The following FGF12 variants were observed in gnomAD, a reference collection of about 807,000 sequenced individuals.
FGF12 encodes fibroblast growth factor 12B.
A neutral mutation model predicts 23.6 loss-of-function variants in FGF12; 14 were observed. That is an observed-to-expected ratio of 0.59 (90% CI 0.39 to 0.93). The LOEUF (loss-of-function observed/expected upper bound fraction) is 0.93. Ranked by LOEUF, FGF12 falls within the 40% of genes least tolerant of loss-of-function variation. FGF12 has a pLI of 0.00. For synonymous variants in FGF12, 62 were observed against 77.3 expected, an observed-to-expected ratio of 0.80 and a Z score of 1.04; for missense variants, 175 against 217.8, an observed-to-expected ratio of 0.80 and a Z score of 1.24.
chr3:192,367,058 G>A (rs995137368), intron 2 of FGF12, among the ~76,000 whole-genome samples: 4 of 152,212 alleles, frequency 2.6e-5, no homozygotes, highest in Non-Finnish European at 2.9e-5. Context: ...TGTGAAGGAC[G>A]TGGACGTCTC....
intron 2 of FGF12, among the ~76,000 whole-genome samples, chr3:192,377,183 A>G (rs570585964): frequency 6.6e-6 from 1 of 152,306 alleles, no homozygotes; most frequent in Admixed American, 6.5e-5. Flanking sequence ...AAATTTTTCT[A>G]GATCACCATC....
At chr3:192,568,806 T>C (rs976911828) in intron 2 of FGF12, among the ~76,000 whole-genome samples, 4 of 152,134 alleles carry the variant, frequency 2.6e-5, no homozygotes, top group East Asian at 1.9e-4. Flanking sequence ...CACTGTGAGG[T>C]AGTGTTCAAG....
chr3:192,193,638 T>C (rs1018935400), intron 4 of FGF12, among the ~76,000 whole-genome samples: 2 of 152,200 alleles, frequency 1.3e-5, no homozygotes, highest in African/African-American at 4.8e-5. Context: ...ATACACTCTA[T>C]AGTCTCACCC....
intron 2 of FGF12, among the ~76,000 whole-genome samples, chr3:192,463,485 C>A (rs1722921354): frequency 6.6e-6 from 1 of 152,158 alleles, no homozygotes; most frequent in Non-Finnish European, 1.5e-5. Context: ...AAAAGACATA[C>A]CTTGTTTCCA....
intron 4 of FGF12, among the ~76,000 whole-genome samples, chr3:192,213,792 G>C (rs937153665): frequency 6.6e-6 from 1 of 152,186 alleles, no homozygotes; most frequent in African/African-American, 2.4e-5. Context: ...CAGCCAAATT[G>C]TTCCTTATTT....
intron 2 of FGF12, among the ~76,000 whole-genome samples, chr3:192,572,099 C>A (rs1363590932): frequency 1.3e-5 from 2 of 152,126 alleles, no homozygotes; most frequent in African/African-American, 2.4e-5. Context: ...CCATCACGAA[C>A]CTTCTCATAG....
At chr3:192,447,071 A>T (rs73066265) in intron 2 of FGF12, among the ~76,000 whole-genome samples, 5,433 of 152,178 alleles carry the variant, frequency 0.036, 336 homozygotes, top group African/African-American at 0.12. Flanking sequence ...CCCATCTTCA[A>T]CCTAATCAGT....
chr3:192,670,934 G>C (rs1040643398), intron 2 of FGF12, among the ~76,000 whole-genome samples: 3 of 152,196 alleles, frequency 2.0e-5, no homozygotes, highest in African/African-American at 7.2e-5. Flanking sequence ...TAAAATGGGA[G>C]AGCGATCTGG....
intron 2 of FGF12, among the ~76,000 whole-genome samples, chr3:192,597,212 G>C (rs542984758): frequency 2.0e-4 from 30 of 152,236 alleles, no homozygotes; most frequent in Non-Finnish European, 3.8e-4. Context: ...GGACTGTTAG[G>C]ATTTGAACAT....
chr3:192,626,025 C>T (rs187168820), intron 2 of FGF12, among the ~76,000 whole-genome samples: 4 of 152,280 alleles, frequency 2.6e-5, no homozygotes, highest in Admixed American at 6.5e-5. Flanking sequence ...CTTATTTCCT[C>T]AGATTGCTCT....
intron 4 of FGF12, chr3:192,245,047 C>T (rs1041815463): frequency 1.3e-5 from 2 of 148,162 alleles, no homozygotes; most frequent in Non-Finnish European, 3.0e-5. Flanking sequence ...AAGAAATAAT[C>T]GTGCATTTGC....
At chr3:192,562,485 A>C (rs374598592) in intron 2 of FGF12, among the ~76,000 whole-genome samples, 5 of 152,180 alleles carry the variant, frequency 3.3e-5, no homozygotes, top group African/African-American at 9.7e-5. Flanking sequence ...TTCTTCAGTA[A>C]AGTTCAAAAT....
chr3:192,557,672 T>C (rs1306050131), intron 2 of FGF12, among the ~76,000 whole-genome samples: 1 of 151,334 alleles, frequency 6.6e-6, no homozygotes, highest in East Asian at 1.9e-4. Flanking sequence ...CTCAACAAAA[T>C]GCTAGCAAAC....
intron 4 of FGF12, among the ~76,000 whole-genome samples, chr3:192,201,617 C>T (rs895918000): frequency 6.6e-6 from 1 of 152,128 alleles, no homozygotes; most frequent in Non-Finnish European, 1.5e-5. Context: ...ATTCATCCCT[C>T]TCTGTATACC....
chr3:192,146,561 G>A (rs183038102), intron 5 of FGF12, among the ~76,000 whole-genome samples: 102 of 152,248 alleles, frequency 6.7e-4, no homozygotes, highest in Non-Finnish European at 1.1e-3. Flanking sequence ...GAGCCATCGC[G>A]CCTGGCCTAA....
chr3:192,395,486 G>A (rs1374432891), intron 2 of FGF12, among the ~76,000 whole-genome samples: 3 of 152,154 alleles, frequency 2.0e-5, no homozygotes, highest in Non-Finnish European at 2.9e-5. Flanking sequence ...TCATATATAT[G>A]CAGAAATTCC....
intron 2 of FGF12, among the ~76,000 whole-genome samples, chr3:192,526,702 T>C (rs1263910492): frequency 1.3e-5 from 2 of 152,232 alleles, no homozygotes; most frequent in Non-Finnish European, 2.9e-5. Context: ...AAATGGTCAA[T>C]AAATATCTGC....
chr3:192,161,195 A>C (rs1029424463), intron 5 of FGF12, among the ~76,000 whole-genome samples: 1 of 152,038 alleles, frequency 6.6e-6, no homozygotes, highest in Non-Finnish European at 1.5e-5. Flanking sequence ...ACCACCACCA[A>C]CAGCAGGAAC....
intron 2 of FGF12, among the ~76,000 whole-genome samples, chr3:192,398,380 T>G (rs1225616710): frequency 3.3e-5 from 2 of 60,048 alleles, no homozygotes; most frequent in Non-Finnish European, 7.2e-5. Flanking sequence ...TTATATTTTC[T>G]TTTTTCTTTT....
Sources: gnomAD v4.1 joint callset for allele counts (sites outside exome capture counted in the v4.1 genomes callset) on GRCh38, gnomAD v4.1.1 for gene constraint, MANE v1.5 for transcripts, NCBI Gene and HGNC (gene_info 2026-07-23, HGNC 2026-07-21) for gene names.